The following COQ2 variants were observed in gnomAD, a reference collection of about 807,000 sequenced individuals.
COQ2 encodes 4-hydroxybenzoate polyprenyltransferase, mitochondrial.
In COQ2, 25 loss-of-function variants were observed where a neutral mutation model predicts 35.7. The ratio of observed to expected loss-of-function variants is 0.70; its 90% confidence interval spans 0.51 to 0.98. The LOEUF (loss-of-function observed/expected upper bound fraction) is 0.98. Ranked by LOEUF, COQ2 falls within the 50% of genes least tolerant of loss-of-function variation. The pLI, the probability that COQ2 is intolerant of heterozygous loss-of-function variation, is 0.00. For synonymous variants in COQ2, 206 were observed against 186.2 expected, an observed-to-expected ratio of 1.11 and a Z score of -0.86; for missense variants, 488 against 473.5, an observed-to-expected ratio of 1.03 and a Z score of -0.28.
At chr4:83,270,047 T>A (rs1302227860) in intron 4 of COQ2, 54 bp from the exon 5 acceptor site, 1 of 1,588,348 alleles carries the variant, frequency 6.3e-7, no homozygotes, top group African/African-American at 1.4e-5. Flanking sequence ...TTTAGAATCC[T>A]AAAGGGAAGG....
intron 6 of COQ2, among the ~76,000 whole-genome samples, chr4:83,266,274 G>A (rs551965009): frequency 6.6e-6 from 1 of 152,232 alleles, no homozygotes; most frequent in East Asian, 1.9e-4. Flanking sequence ...ACCATGTTAT[G>A]TGAGTCTTGC....
intron 6 of COQ2, among the ~76,000 whole-genome samples, chr4:83,265,408 A>T (rs1254642870): frequency 6.6e-6 from 1 of 151,986 alleles, no homozygotes; most frequent in African/African-American, 2.4e-5. Context: ...CGTCTCTACT[A>T]AAAAAATACA....
In COQ2 at chr4:83,269,919, G is replaced by A. The variant is rs1735007551; in HGVS notation, c.703C>T (p.Pro235Ser). ...CACATAACTCCAGAAAAATAAAGAG[G>A]CAGGCAAACAGATGGATCACAGGAA... is the stretch of plus-strand genomic sequence containing the variant. The part of the protein sequence containing the change: ...KGSCDPSVCL[P>S]LYFSGVMWTL... Residue 235 changes from proline (P) to serine (S), a missense_variant, in exon 5 of 7, where the codon CCT becomes TCT. By Grantham distance (74) the Pro-to-Ser change is moderately conservative. Transcript: ENST00000647002. The A allele has an allele frequency of 1.2e-6, 2 of 1,612,452 alleles. No individual in the cohort carries two copies. The highest frequency in any genetic ancestry group is 1.3e-5 in the African/African-American group (1 of 74,968).
At chr4:83,284,484 C>A in intron 1 of COQ2, 28 bp downstream of exon 1, 1 of 1,546,680 alleles carries the variant, frequency 6.5e-7, no homozygotes, top group Non-Finnish European at 8.7e-7. Flanking sequence ...CTTGCAAATT[C>A]CCGGGCTGCC....
rs769049644 is a variant in COQ2, at chr4:83,273,633, CAG to C, written c.421-18_421-17del. On this transcript the variant is annotated splice_polypyrimidine_tract_variant and intron_variant, in intron 2 of 6. Coordinates refer to ENST00000647002, the MANE Select transcript of COQ2 (RefSeq NM_001358921.2). The stretch of plus-strand genomic sequence containing the variant: ...TTCTTGTAACCTTAAAACATAAAAA[CAG>C]ATACCTTAGCTTCATGTAATGACTC... The C allele has an allele frequency of 6.2e-7, 1 of 1,611,300 alleles. No homozygotes were observed. The highest frequency in any genetic ancestry group is 2.2e-5 in the East Asian group (1 of 44,804).
rs1735372693 is a variant in COQ2, at chr4:83,283,304, A to G, written c.253+1208T>C. 5.1e-6 allele frequency: 5 copies of G among 985,304 alleles called. No individual in the cohort carries two copies. In the South Asian group the frequency reaches 2.3e-4, roughly 46 times the overall value. The allele number at this position is 985,304 out of a possible 1,614,324, so 61.0% of individuals were successfully genotyped here. A position where few individuals can be genotyped will look rare whatever the true frequency, so the allele number is the denominator to read the frequency against. ...ACTGCAATGGCAAATGTCATCATCT[A>G]GATTGGCTGGAGTTCATCCTTCACT... On this transcript the variant is annotated intron_variant, in intron 1 of 6. Transcript: ENST00000647002.
chr4:83,268,761 C>T (rs4693597), intron 5 of COQ2, among the ~76,000 whole-genome samples: 111,984 of 152,148 alleles, frequency 0.74, 41,355 homozygotes, highest in East Asian at 0.85. Context: ...ATTACAGATC[C>T]GCCTTTTCAT....
intron 6 of COQ2, among the ~76,000 whole-genome samples, chr4:83,265,056 C>G (rs1436793152): frequency 6.6e-6 from 1 of 152,202 alleles, no homozygotes; most frequent in Non-Finnish European, 1.5e-5. Context: ...GGAAGGGGAG[C>G]TAGAGACCTA....
chr4:83,279,149 T>G, intron 1 of COQ2, 35 bp from the exon 2 acceptor site: 1 of 1,512,518 alleles, frequency 6.6e-7, no homozygotes, highest in African/African-American at 1.4e-5. Context: ...AAGGTACAAA[T>G]TTAAGTCAGT....
Position 83,284,516 on chromosome 4 carries a change from G to C in COQ2, c.249C>G (p.Pro83=), listed in dbSNP as rs748175494. Residue 83 remains proline (P), a synonymous_variant, in exon 1 of 7, where the codon CCC becomes CCG. Coordinates refer to ENST00000647002, the MANE Select transcript of COQ2 (RefSeq NM_001358921.2). The stretch of plus-strand genomic sequence containing the variant: ...TGCCCGCCCGCCCGCACTCACCAAT[G>C]GGCTTGTCCAACCGCATGAGGCGCA... ...PYLRLMRLDK[P]IGTWLLYLPC... is the part of the protein sequence containing the mutation. The C allele has an allele frequency of 6.4e-7, 1 of 1,572,770 alleles. No individual in the cohort carries two copies. Among genetic ancestry groups the C allele is most frequent in the Admixed American group, 1.8e-5 (1 of 54,930 alleles).
In COQ2 at chr4:83,264,210, T is replaced by C. The variant is rs910498733; in HGVS notation, c.1105A>G (p.Ile369Val). ...ATAAATTTCATTCATTAATTTTCTA[T>C]TTTATTCTCTATACCCTTCTTTGTT... ...DKTKKGIENK[I>V]EN Residue 369 changes from isoleucine to valine, a missense_variant, in exon 7 of 7, where the codon ATA becomes GTA. By Grantham distance (29) the Ile-to-Val change is conservative. Transcript: ENST00000647002. 7.0e-7 allele frequency: 1 copy of C among 1,428,558 alleles called. No homozygotes were observed. The allele number at this position is 1,428,558 out of a possible 1,614,324, so 88.5% of individuals were successfully genotyped here. A position where few individuals can be genotyped will look rare whatever the true frequency, so the allele number is the denominator to read the frequency against.
intron 1 of COQ2, chr4:83,284,273 C>G (rs2126176861): frequency 2.0e-6 from 2 of 985,384 alleles, no homozygotes; most frequent in Non-Finnish European, 2.4e-6. Context: ...GACTGCGTGT[C>G]CTGAGGTGAC....
chr4:83,274,967 A>G (rs1407235547), intron 2 of COQ2, among the ~76,000 whole-genome samples: 1 of 152,164 alleles, frequency 6.6e-6, no homozygotes, highest in South Asian at 2.1e-4. Context: ...AATTATTATT[A>G]CAATTATTAT....
intron 6 of COQ2, 36 bp downstream of exon 6, chr4:83,267,550 A>C: frequency 6.7e-7 from 1 of 1,501,796 alleles, no homozygotes; most frequent in East Asian, 2.5e-5. Context: ...ATTTATACCA[A>C]GGAAATATGA....
intron 6 of COQ2, chr4:83,267,326 G>A: frequency 9.4e-6 from 4 of 424,270 alleles, no homozygotes; most frequent in Non-Finnish European, 1.3e-5. Context: ...GCAGTGAGCT[G>A]TGATTGCACC....
chr4:83,273,648 C>T, intron 2 of COQ2, 31 bp from the exon 3 acceptor site: 1 of 1,601,542 alleles, frequency 6.2e-7, no homozygotes, highest in Non-Finnish European at 8.5e-7. Context: ...ACCTTAGCTT[C>T]ATGTAATGAC....
chr4:83,271,834 T>C (rs1174749148), intron 4 of COQ2, among the ~76,000 whole-genome samples: 1 of 149,976 alleles, frequency 6.7e-6, no homozygotes, highest in Non-Finnish European at 1.5e-5. Flanking sequence ...GAGAGGAGAG[T>C]GTAGGGGAGG....
chr4:83,283,537 G>C, intron 1 of COQ2: 1 of 985,348 alleles, frequency 1.0e-6, no homozygotes, highest in Non-Finnish European at 1.2e-6. Flanking sequence ...ATTTCTTCTC[G>C]AAACTTTCCA....
chr4:83,275,739 AGAG>A, intron 2 of COQ2, among the ~76,000 whole-genome samples: 1 of 152,060 alleles, frequency 6.6e-6, no homozygotes, highest in Non-Finnish European at 1.5e-5. Context: ...GTAAACGTTT[AGAG>A]GAGAGTCTGT....
Sources: allele counts gnomAD v4.1 joint callset (sites outside exome capture counted in the v4.1 genomes callset), GRCh38; gene constraint gnomAD v4.1.1; transcripts MANE v1.5; gene names NCBI Gene and HGNC (gene_info 2026-07-23, HGNC 2026-07-21).